Variants in CTNND2 observed in about 807,000 individuals in gnomAD.
CTNND2 encodes catenin delta 2, also known as catenin delta-2.
In CTNND2, 22 loss-of-function variants were observed where a neutral mutation model predicts 144.4. That is an observed-to-expected ratio of 0.15 (90% CI 0.11 to 0.22). The LOEUF (loss-of-function observed/expected upper bound fraction) is 0.22. Among genes scored for constraint, CTNND2 ranks in the 10% least tolerant of loss-of-function variants. The pLI, the probability that CTNND2 is intolerant of heterozygous loss-of-function variation, is 1.00. For synonymous variants in CTNND2, 751 were observed against 695.6 expected, an observed-to-expected ratio of 1.08 and a Z score of -1.25; for missense variants, 1,353 against 1,618.8, an observed-to-expected ratio of 0.84 and a Z score of 2.82.
intron 1 of CTNND2, among the ~76,000 whole-genome samples, chr5:11,895,757 A>C (rs1008074304): frequency 1.3e-5 from 2 of 152,214 alleles, no homozygotes; most frequent in Non-Finnish European, 2.9e-5. Context: ...AATCAATTTT[A>C]AAAAAGGAAA....
Position 11,900,112 on chromosome 5 carries a change from G to A in CTNND2, c.37+3705C>T, listed in dbSNP as rs61761571. Among the ~76,000 whole-genome samples, 1,197 of 152,210 alleles carry A rather than the reference G, an allele frequency of 7.9e-3. 12 individuals are homozygous for A. The highest frequency in any genetic ancestry group is 0.027 in the African/African-American group (1,132 of 41,522). Reference sequence around the variant, plus strand: ...TCAATATATGTAATTCATTTTGCACGTAATGTGCCAAGAGAGACAGGTGAA... The same window carrying A: ...TCAATATATGTAATTCATTTTGCACATAATGTGCCAAGAGAGACAGGTGAA... On this transcript the variant is annotated intron_variant, in intron 1 of 21. Transcript: ENST00000304623.
At chr5:11,523,082 A>C (rs2150043215) in intron 3 of CTNND2, among the ~76,000 whole-genome samples, 1 of 152,316 alleles carries the variant, frequency 6.6e-6, no homozygotes, top group African/African-American at 2.4e-5. Flanking sequence ...TTTCTACAAA[A>C]GTTTCCATAA....
chr5:11,135,814 TG>T (rs1561364308), intron 12 of CTNND2, among the ~76,000 whole-genome samples: 1 of 152,208 alleles, frequency 6.6e-6, no homozygotes, highest in Non-Finnish European at 1.5e-5. Context: ...TGCAGCGAGA[TG>T]CAGTGGGCTG....
intron 3 of CTNND2, among the ~76,000 whole-genome samples, chr5:11,564,580 C>T (rs1013892428): frequency 6.6e-6 from 1 of 151,680 alleles, no homozygotes; most frequent in African/African-American, 2.4e-5. Context: ...AATGTTCTCA[C>T]TTTTATTTCA....
intron 11 of CTNND2, among the ~76,000 whole-genome samples, chr5:11,197,417 C>T (rs190010706): frequency 9.3e-4 from 142 of 152,302 alleles, no homozygotes; most frequent in Non-Finnish European, 1.7e-3. Context: ...CCTCAAACCC[C>T]CAGCACATGC....
intron 1 of CTNND2, among the ~76,000 whole-genome samples, chr5:11,845,047 A>G (rs1203528083): frequency 6.6e-6 from 1 of 152,100 alleles, no homozygotes; most frequent in African/African-American, 2.4e-5. Flanking sequence ...CTGACTCTCC[A>G]GTGGCTACTA....
chr5:11,779,703 T>G (rs1790442477), intron 1 of CTNND2, among the ~76,000 whole-genome samples: 1 of 152,222 alleles, frequency 6.6e-6, no homozygotes, highest in Non-Finnish European at 1.5e-5. Flanking sequence ...GGTTTTAGTT[T>G]TGTCCAATAA....
At chr5:11,896,465 C>T (rs1025984550) in intron 1 of CTNND2, among the ~76,000 whole-genome samples, 2 of 152,150 alleles carry the variant, frequency 1.3e-5, no homozygotes, top group East Asian at 1.9e-4. Flanking sequence ...AATTTAAAGG[C>T]GAGAAAATGT....
chr5:11,170,739 G>GATA (rs1759822454), intron 11 of CTNND2, among the ~76,000 whole-genome samples: 1 of 152,122 alleles, frequency 6.6e-6, no homozygotes, highest in Non-Finnish European at 1.5e-5. Context: ...AAAATTGTCT[G>GATA]ATACTGTATT....
In CTNND2 at chr5:11,903,897, G is replaced by A; in HGVS notation, c.-44C>T. ...AGCTCCTCAGTCCGGGAAGAGGCGT[G>A]CGCGGCGCCGCCCGGCTTCAGGGCA... On this transcript the variant is annotated 5_prime_UTR_variant, in exon 1 of 22. Transcript: ENST00000304623. This position sits in a 1 kb window ranked among gnomAD's most constrained non-coding sequence, Gnocchi z 5.4. 7.1e-7 allele frequency: 1 copy of A among 1,406,410 alleles called. No homozygotes were observed. Among genetic ancestry groups the A allele is most frequent in the South Asian group, 1.5e-5 (1 of 66,052 alleles). 87.1% of individuals were successfully genotyped at this position (1,406,410 alleles called of 1,614,324 possible). A position where few individuals can be genotyped will look rare whatever the true frequency, so the allele number is the denominator to read the frequency against.
At chr5:11,798,254 T>C (rs1329445484) in intron 1 of CTNND2, among the ~76,000 whole-genome samples, 1 of 146,458 alleles carries the variant, frequency 6.8e-6, no homozygotes, top group African/African-American at 2.5e-5. Flanking sequence ...AGAGTGAGAC[T>C]GTTTCAAAAA....
intron 9 of CTNND2, among the ~76,000 whole-genome samples, chr5:11,247,929 A>G (rs1743168880): frequency 6.6e-6 from 1 of 152,220 alleles, no homozygotes; most frequent in Non-Finnish European, 1.5e-5. Flanking sequence ...TACAAAATGG[A>G]AAAAATAACC....
chr5:11,098,934 C>T (rs1236048589), intron 14 of CTNND2, among the ~76,000 whole-genome samples, 186 bp from the exon 15 acceptor site: 2 of 152,070 alleles, frequency 1.3e-5, no homozygotes, highest in African/African-American at 2.4e-5. Flanking sequence ...TCCTGCCCAG[C>T]GAGAGCTTGG....
At chr5:11,328,496 GTT>G (rs1322579444) in intron 9 of CTNND2, among the ~76,000 whole-genome samples, 2 of 151,764 alleles carry the variant, frequency 1.3e-5, no homozygotes, top group African/African-American at 4.8e-5. Flanking sequence ...TAGAGATGGG[GTT>G]TGTCATGTTG....
intron 1 of CTNND2, among the ~76,000 whole-genome samples, chr5:11,737,514 T>C (rs575526202): frequency 3.3e-5 from 5 of 152,346 alleles, no homozygotes; most frequent in African/African-American, 1.2e-4. Flanking sequence ...GGGTGGGTTC[T>C]TCTAGCAGAA....
At position 11,385,211 on chromosome 5, in the gene CTNND2, C is replaced by T. The variant is rs1758959633; in HGVS notation, c.631G>A (p.Gly211Ser). Residue 211 changes from glycine (G) to serine (S), a missense_variant, in exon 7 of 22, where the codon GGC (glycine) becomes AGC (serine). Physicochemically the swap from Gly to Ser is moderately conservative, Grantham distance 56. Coordinates refer to ENST00000304623, the MANE Select transcript of CTNND2 (RefSeq NM_001332.4). ...GCGGGCTCGGGCCCCGCCAGGTGGC[C>T]GGCGCGGCTGGTCGTGCCCTGTGCC... ...SFSQGTTSRAGHLAGPEPAPP... is the reference protein window; with the variant it reads ...SFSQGTTSRASHLAGPEPAPP... 2 of 1,054,972 alleles carry T rather than the reference C, an allele frequency of 1.9e-6. No homozygotes were observed. Among genetic ancestry groups the T allele is most frequent in the Non-Finnish European group, 1.1e-6 (1 of 876,426 alleles). The allele number at this position is 1,054,972 out of a possible 1,614,324, so 65.4% of individuals were successfully genotyped here. A position where few individuals can be genotyped will look rare whatever the true frequency, so the allele number is the denominator to read the frequency against.
chr5:11,349,802 TAAC>T (rs542698282), intron 8 of CTNND2, among the ~76,000 whole-genome samples: 104 of 152,334 alleles, frequency 6.8e-4, no homozygotes, highest in African/African-American at 2.2e-3. Flanking sequence ...ACTAAGGAAT[TAAC>T]AACCTGAACA....
At chr5:11,801,062 G>A (rs1791654043) in intron 1 of CTNND2, among the ~76,000 whole-genome samples, 1 of 152,062 alleles carries the variant, frequency 6.6e-6, no homozygotes, top group African/African-American at 2.4e-5. Flanking sequence ...AATAATATAA[G>A]GTTTAAACAC....
intron 3 of CTNND2, among the ~76,000 whole-genome samples, chr5:11,558,989 G>A (rs1776465403): frequency 1.3e-5 from 2 of 151,926 alleles, no homozygotes; most frequent in Admixed American, 6.6e-5. Context: ...ATTTGGTTTG[G>A]GCATCATTGT....
Sources: gnomAD v4.1 joint callset for allele counts (sites outside exome capture counted in the v4.1 genomes callset) on GRCh38, gnomAD v4.1.1 for gene constraint, Gnocchi (gnomAD v3.1) non-coding constraint, MANE v1.5 for transcripts, NCBI Gene and HGNC (gene_info 2026-07-23, HGNC 2026-07-21) for gene names.